CSGALNACT1: variants seen among roughly 807,000 people sequenced by gnomAD.
The protein encoded by CSGALNACT1 is beta4GalNAcT-1.
A neutral mutation model predicts 51.0 loss-of-function variants in CSGALNACT1; 52 were observed. That is an observed-to-expected ratio of 1.02 (90% CI 0.82 to 1.29). The LOEUF (loss-of-function observed/expected upper bound fraction) is 1.29. CSGALNACT1 is among the 50% of genes most tolerant of loss of function. The pLI, the probability that CSGALNACT1 is intolerant of heterozygous loss-of-function variation, is 0.00. For synonymous variants in CSGALNACT1, 341 were observed against 254.4 expected (o/e 1.34, Z -3.24); for missense variants, 935 against 679.2 (o/e 1.38, Z -4.19).
rs116714355 is a variant in CSGALNACT1 at position 19,636,448 on chromosome 8, T to C, written c.-543-34583A>G. Among the ~76,000 whole-genome samples, 547 of 152,262 alleles carry C rather than the reference T, an allele frequency of 3.6e-3. 3 individuals carry two copies. The highest frequency in any genetic ancestry group is 0.012 in the African/African-American group (497 of 41,554). On this transcript the variant is annotated intron_variant, in intron 1 of 9. Coordinates refer to the CSGALNACT1 transcript ENST00000332246. Reference sequence around the variant, plus strand: ...AACGACTGTGTAAGCGATACCAAAATCCAAGAGAAAATAGTACCCCTATAA... The same window carrying C: ...AACGACTGTGTAAGCGATACCAAAACCCAAGAGAAAATAGTACCCCTATAA...
chr8:19,533,116 T>C (rs1428367793), intron 3 of CSGALNACT1, among the ~76,000 whole-genome samples: 3 of 152,026 alleles, frequency 2.0e-5, no homozygotes, highest in African/African-American at 4.8e-5. Context: ...GACGTTTTTG[T>C]TTTTGTTTTT....
chr8:19,724,639 G>C (rs1341546865), intron 1 of CSGALNACT1, among the ~76,000 whole-genome samples: 2 of 152,190 alleles, frequency 1.3e-5, no homozygotes, highest in Admixed American at 1.3e-4. Context: ...GCCGCCTTTG[G>C]GAGACCATTA....
chr8:19,642,556 AG>A (rs1235613170), intron 1 of CSGALNACT1, among the ~76,000 whole-genome samples: 1 of 152,132 alleles, frequency 6.6e-6, no homozygotes, highest in African/African-American at 2.4e-5. Context: ...GGATCACTTG[AG>A]CTCAGGAGTT....
intron 1 of CSGALNACT1, among the ~76,000 whole-genome samples, chr8:19,740,929 A>G (rs2064274113): frequency 6.6e-6 from 1 of 152,254 alleles, no homozygotes; most frequent in Non-Finnish European, 1.5e-5. Flanking sequence ...TTATAAATTT[A>G]AAACTAAGCA....
chr8:19,611,242 T>C (rs2052215098), intron 1 of CSGALNACT1, among the ~76,000 whole-genome samples: 2 of 152,248 alleles, frequency 1.3e-5, no homozygotes. Context: ...AAAGTCATTC[T>C]GAGCACTTAA....
intron 1 of CSGALNACT1, among the ~76,000 whole-genome samples, chr8:19,674,552 G>T (rs1414474472): frequency 1.3e-5 from 2 of 152,186 alleles, no homozygotes; most frequent in Non-Finnish European, 2.9e-5. Flanking sequence ...GAAAAGGCAG[G>T]AATGGGCAAT....
intron 3 of CSGALNACT1, among the ~76,000 whole-genome samples, chr8:19,553,639 A>ATATATATATATATATATAT (rs869251447): frequency 4.7e-4 from 60 of 126,584 alleles, no homozygotes; most frequent in African/African-American, 1.8e-3. Flanking sequence ...ATATATATAT[A>ATATATATATATATATATAT]AAAAAATATG....
intron 1 of CSGALNACT1, among the ~76,000 whole-genome samples, chr8:19,664,817 A>G (rs985158907): frequency 2.6e-5 from 4 of 152,238 alleles, no homozygotes; most frequent in South Asian, 2.1e-4. Context: ...TTTCTCGCTT[A>G]TAAGTGTGAG....
At chr8:19,527,116 T>G (rs1236988140) in intron 3 of CSGALNACT1, among the ~76,000 whole-genome samples, 1 of 152,156 alleles carries the variant, frequency 6.6e-6, no homozygotes, top group African/African-American at 2.4e-5. Context: ...CTTAAGGAGT[T>G]TGAAGTACAC....
At position 19,538,509 on chromosome 8, in the gene CSGALNACT1, A is replaced by G. The variant is rs193103143; in HGVS notation, c.-296-32379T>C. Among the ~76,000 whole-genome samples the G allele has an allele frequency of 2.0e-5, 3 of 152,284 alleles. No individual in the cohort carries two copies. In the East Asian group the frequency reaches 5.8e-4, roughly 29 times the overall value. Reference sequence around the variant, plus strand: ...AATGGGGGCAACAAAAGTAGAGAGCAATGTATGAACCTGACCTCATGTCGA... The same window carrying G: ...AATGGGGGCAACAAAAGTAGAGAGCGATGTATGAACCTGACCTCATGTCGA... On this transcript the variant is annotated intron_variant, in intron 3 of 9. Coordinates refer to ENST00000454498, the Ensembl canonical transcript of CSGALNACT1.
chr8:19,469,401 A>C (rs2067551477), intron 4 of CSGALNACT1, among the ~76,000 whole-genome samples: 1 of 152,118 alleles, frequency 6.6e-6, no homozygotes, highest in African/African-American at 2.4e-5. Context: ...AAAAAAAGAA[A>C]GAGAAAGAAA....
At chr8:19,417,887 GAC>G (rs1679643798) in intron 8 of CSGALNACT1, among the ~76,000 whole-genome samples, 1 of 152,198 alleles carries the variant, frequency 6.6e-6, no homozygotes, top group African/African-American at 2.4e-5. Flanking sequence ...ATGCCCAGAA[GAC>G]ACAGAGATCC....
rs899988900 is a variant in CSGALNACT1 at position 19,655,813 on chromosome 8, T to C, written c.-544+26660A>G. On this transcript the variant is annotated intron_variant, in intron 1 of 9. Coordinates refer to the CSGALNACT1 transcript ENST00000332246. ...TATTCCAACTATCTCTTCGAGGCTA[T>C]GGAACATAGAAATATGAATAAAACA... is the stretch of plus-strand genomic sequence containing the variant. 2.0e-5 allele frequency among the ~76,000 whole-genome samples: 3 copies of C among 152,146 alleles called. No homozygotes were observed. In the South Asian group the frequency reaches 6.2e-4, roughly 31 times the overall value.
intron 4 of CSGALNACT1, among the ~76,000 whole-genome samples, chr8:19,461,381 T>C (rs2065312880): frequency 6.6e-6 from 1 of 152,194 alleles, no homozygotes; most frequent in Non-Finnish European, 1.5e-5. Context: ...GAGGTGGGGC[T>C]GAGTCTGAAA....
At chr8:19,705,666 G>A (rs137878882) in intron 1 of CSGALNACT1, among the ~76,000 whole-genome samples, 3 of 152,110 alleles carry the variant, frequency 2.0e-5, no homozygotes, top group Non-Finnish European at 2.9e-5. Flanking sequence ...GAGCCGGGGA[G>A]GGGGAGGCTG....
At chr8:19,521,698 G>A (rs1256090593) in intron 3 of CSGALNACT1, among the ~76,000 whole-genome samples, 3 of 152,140 alleles carry the variant, frequency 2.0e-5, no homozygotes, top group African/African-American at 7.2e-5. Flanking sequence ...TAGCGCCAGG[G>A]TTTAACATGT....
At chr8:19,618,590 C>G (rs1229304115) in intron 1 of CSGALNACT1, among the ~76,000 whole-genome samples, 1 of 117,474 alleles carries the variant, frequency 8.5e-6, no homozygotes, top group East Asian at 2.9e-4. Context: ...CAAGATCATG[C>G]CACTACACTG....
chr8:19,648,264 T>C (rs1589253977), intron 1 of CSGALNACT1, among the ~76,000 whole-genome samples: 1 of 152,292 alleles, frequency 6.6e-6, no homozygotes, highest in Middle Eastern at 3.4e-3. Flanking sequence ...CAAGTATGGA[T>C]GGGTATTTTT....
At chr8:19,511,098 C>T (rs1247342304) in intron 3 of CSGALNACT1, among the ~76,000 whole-genome samples, 1 of 152,238 alleles carries the variant, frequency 6.6e-6, no homozygotes, top group Non-Finnish European at 1.5e-5. Context: ...TCAGGGTCAG[C>T]AGCAGGCAGA....
Sources: allele counts gnomAD v4.1 joint callset (sites outside exome capture counted in the v4.1 genomes callset), GRCh38; gene constraint gnomAD v4.1.1; transcripts MANE v1.5; gene names NCBI Gene and HGNC (gene_info 2026-07-23, HGNC 2026-07-21).